The following TMEM59L variants were observed in gnomAD, a reference collection of about 807,000 sequenced individuals.
TMEM59L encodes the protein transmembrane protein 59 like.
TMEM59L carries 31 observed loss-of-function variants against 39.6 expected under a neutral mutation model. That is an observed-to-expected ratio of 0.78 (90% CI 0.59 to 1.06). The LOEUF (loss-of-function observed/expected upper bound fraction) is 1.06. TMEM59L is among the 50% of genes least tolerant of loss of function. The pLI is 0.00. For missense variants in TMEM59L, 441 were observed against 451.3 expected (o/e 0.98, Z 0.21); for synonymous variants, 219 against 202.9 (o/e 1.08, Z -0.68).
chr19:18,612,985 G>A lies in TMEM59L; in HGVS notation c.27G>A (p.Pro9=). Reference sequence around the variant, plus strand: ...TGGCTGCGGTGGCGCTGATGCCACCGCCGCTGCTGCTGCTGCTGCTGTTGG... The same window carrying A: ...TGGCTGCGGTGGCGCTGATGCCACCACCGCTGCTGCTGCTGCTGCTGTTGG... MAAVALMP[P]PLLLLLLLAS... Residue 9 remains proline, a synonymous_variant, in exon 1 of 8, where the codon CCG becomes CCA. Coordinates refer to ENST00000262817, the MANE Select transcript of TMEM59L (RefSeq NM_012109.3). This position sits in a 1 kb window ranked among gnomAD's most constrained non-coding sequence, Gnocchi z 6.2. 7.4e-7 allele frequency: 1 copy of A among 1,352,920 alleles called. No individual in the cohort carries two copies. Among genetic ancestry groups the A allele is most frequent in the Non-Finnish European group, 9.5e-7 (1 of 1,056,146 alleles). 83.8% of individuals were successfully genotyped at this position (1,352,920 alleles called of 1,614,324 possible).
At position 18,620,814 on chromosome 19, in the gene TMEM59L, A is replaced by G. The variant is rs1976489401; in HGVS notation, c.*278A>G. On this transcript the variant is annotated 3_prime_UTR_variant, in exon 8 of 8. Coordinates refer to ENST00000262817, the MANE Select transcript of TMEM59L (RefSeq NM_012109.3). The stretch of plus-strand genomic sequence containing the variant: ...ATTGTGTGGCTTTCTGAGTATTTGA[A>G]CCCCAGTCCTGTGTCACCTTCCTTT... The G allele has an allele frequency of 3.6e-6, 1 of 279,448 alleles. No individual in the cohort carries two copies. The highest frequency in any genetic ancestry group is 5.0e-5 in the Admixed American group (1 of 19,876). The allele number at this position is 279,448 out of a possible 1,614,324, so 17.3% of individuals were successfully genotyped here.
At chr19:18,617,438 T>C (rs1197772209) in intron 5 of TMEM59L, 2 of 485,734 alleles carry the variant, frequency 4.1e-6, no homozygotes, top group African/African-American at 3.9e-5. Context: ...CAGGGTTCCG[T>C]GTTCCGCCTC....
At chr19:18,619,981 A>G (rs2145352359) in intron 7 of TMEM59L, among the ~76,000 whole-genome samples, 1 of 82,056 alleles carries the variant, frequency 1.2e-5, no homozygotes, top group Non-Finnish European at 2.6e-5. Context: ...CATCACACAC[A>G]CACACACACA....
rs1464210883 is a variant in TMEM59L, at chr19:18,620,431, G to A, written c.924G>A (p.Lys308=). 3.1e-6 allele frequency: 5 copies of A among 1,613,228 alleles called. No individual in the cohort carries two copies. Among genetic ancestry groups the A allele is most frequent in the Non-Finnish European group, 4.2e-6 (5 of 1,179,936 alleles). ...KFQPLTLEQH[K]GFMMEPDWPL... is the part of the protein sequence containing the mutation. Reference sequence around the variant, plus strand: ...AGCCTCTGACCCTGGAGCAGCACAAGGGCTTCATGATGGAGCCCGATTGGC... The same window carrying A: ...AGCCTCTGACCCTGGAGCAGCACAAAGGCTTCATGATGGAGCCCGATTGGC... The change falls in exon 8 of 8, where the codon AAG becomes AAA. Residue 308 remains lysine, a synonymous_variant. Coordinates refer to ENST00000262817, the MANE Select transcript of TMEM59L (RefSeq NM_012109.3).
At chr19:18,615,524 C>T (rs1196427916) in intron 3 of TMEM59L, among the ~76,000 whole-genome samples, 1 of 152,232 alleles carries the variant, frequency 6.6e-6, no homozygotes, top group South Asian at 2.1e-4. Context: ...GATCTGTGTT[C>T]ACTATAAGAA....
chr19:18,619,917 G>T (rs987373998), intron 7 of TMEM59L, among the ~76,000 whole-genome samples: 1 of 151,180 alleles, frequency 6.6e-6, no homozygotes, highest in African/African-American at 2.4e-5. Flanking sequence ...GTTCGAAGCT[G>T]CAGTGAGCTG....
intron 7 of TMEM59L, among the ~76,000 whole-genome samples, chr19:18,619,139 G>A (rs1401362474): frequency 3.3e-5 from 5 of 151,920 alleles, no homozygotes; most frequent in African/African-American, 4.8e-5. Flanking sequence ...CCACAGTCAC[G>A]TGCCACCATG....
intron 4 of TMEM59L, among the ~76,000 whole-genome samples, chr19:18,616,365 G>T (rs559098641): frequency 1.7e-4 from 25 of 149,784 alleles, no homozygotes; most frequent in African/African-American, 6.2e-4. Context: ...GAGGCTCTAG[G>T]TTACAAACGC....
At chr19:18,619,195 C>G (rs1976467277) in intron 7 of TMEM59L, among the ~76,000 whole-genome samples, 1 of 152,092 alleles carries the variant, frequency 6.6e-6, no homozygotes, top group Non-Finnish European at 1.5e-5. Context: ...ACTATGTTGC[C>G]CAGGCTGGTC....
chr19:18,617,171 A>C (rs1220968716), intron 5 of TMEM59L, 69 bp downstream of exon 5: 2 of 1,189,484 alleles, frequency 1.7e-6, no homozygotes, highest in South Asian at 2.4e-5. Flanking sequence ...CGGCCTGGCA[A>C]ACAGACCTTC....
chr19:18,618,294 G>A (rs1434003410), intron 6 of TMEM59L, 22 bp downstream of exon 6: 5 of 679,638 alleles, frequency 7.4e-6, no homozygotes, highest in African/African-American at 6.9e-5. Context: ...GACCTTGGGG[G>A]TGGGAGGGGG....
In TMEM59L at chr19:18,620,707, C is replaced by T; in HGVS notation, c.*171C>T. ...CCCACGGAGTCCTGGGGACGCAGTG[C>T]CCCAGCTGGGAAGAGGGCGGGATCG... On this transcript the variant is annotated 3_prime_UTR_variant, in exon 8 of 8. Coordinates refer to ENST00000262817, the MANE Select transcript of TMEM59L (RefSeq NM_012109.3). The T allele has an allele frequency of 2.0e-6, 2 of 1,001,786 alleles. No homozygotes were observed. Among genetic ancestry groups the T allele is most frequent in the Non-Finnish European group, 2.7e-6 (2 of 727,372 alleles). The allele number at this position is 1,001,786 out of a possible 1,614,324, so 62.1% of individuals were successfully genotyped here.
rs945919702 is a variant in TMEM59L at position 18,618,468 on chromosome 19, G to A, written c.876G>A (p.Ala292=). The A allele has an allele frequency of 8.1e-6, 13 of 1,604,298 alleles. No homozygotes were observed. Among genetic ancestry groups the A allele is most frequent in the African/African-American group, 5.4e-5 (4 of 74,752 alleles). Residue 292 remains alanine, a synonymous_variant, in exon 7 of 8, where the codon GCG becomes GCA. Transcript: ENST00000262817. ...LWLSCSTLVT[A]PGQHLKFQPL... ...TGAGCTGCTCCACCCTGGTGACCGC[G>A]CCTGGCCAGCACCTCAAGTTCCAGG... is the stretch of plus-strand genomic sequence containing the variant.
In TMEM59L at chr19:18,614,002, C is replaced by CT; in HGVS notation, c.303dup (p.Glu102Ter). 1.9e-6 allele frequency: 3 copies of CT among 1,613,432 alleles called. No individual in the cohort carries two copies. The highest frequency in any genetic ancestry group is 2.5e-6 in the Non-Finnish European group (3 of 1,180,026). The stretch of plus-strand genomic sequence containing the variant: ...AGCTCCAAGCCCAATGCCACCCAAA[C>CT]TGAGTGTGAAGCAGGTGAGGGCCCG... On this transcript the variant is annotated frameshift_variant, in exon 2 of 8. Coordinates refer to ENST00000262817, the MANE Select transcript of TMEM59L (RefSeq NM_012109.3). LOFTEE classifies it high-confidence loss of function.
chr19:18,613,226 CTT>C (rs1976389582), intron 1 of TMEM59L, 97 bp downstream of exon 1: 5 of 1,092,642 alleles, frequency 4.6e-6, no homozygotes, highest in Non-Finnish European at 5.7e-6. Context: ...CAGCAGGAGA[CTT>C]TGGTGGGGGT....
chr19:18,620,552 A>G lies in TMEM59L; in HGVS notation c.*16A>G, dbSNP rs1412734411. On this transcript the variant is annotated 3_prime_UTR_variant, in exon 8 of 8. Transcript: ENST00000262817. ...CAAGCTGTAGGCCTCCACTGGCCCC[A>G]TCACTGCCAACTGCAGGGGGCCCCT... 1.2e-6 allele frequency: 2 copies of G among 1,611,286 alleles called. No homozygotes were observed. Among genetic ancestry groups the G allele is most frequent in the Non-Finnish European group, 1.7e-6 (2 of 1,178,738 alleles).
chr19:18,616,918 A>C, intron 4 of TMEM59L, 82 bp from the exon 5 acceptor site: 1 of 1,036,320 alleles, frequency 9.6e-7, no homozygotes, highest in Non-Finnish European at 1.4e-6. Context: ...TGGGCGTGGG[A>C]CATGGCAGTC....
Position 18,618,156 on chromosome 19 carries a change from C to T in TMEM59L, c.666C>T (p.Asp222=). The change falls in exon 6 of 8, where the codon GAC becomes GAT. Residue 222 remains aspartate (D), a splice_region_variant and synonymous_variant. Coordinates refer to ENST00000262817, the MANE Select transcript of TMEM59L (RefSeq NM_012109.3). ...GCTGAGTGGCAGCTGATCTCTCAGACCCTGTAGGCCCCCTGGACAAGGTGA... is the reference window on the plus strand; with the variant it reads ...GCTGAGTGGCAGCTGATCTCTCAGATCCTGTAGGCCCCCTGGACAAGGTGA... ...SHPEALEVHV[D]PVGPLDKVRK... is the part of the protein sequence containing the mutation. The T allele has an allele frequency of 6.2e-7, 1 of 1,613,214 alleles. No individual in the cohort carries two copies. Among genetic ancestry groups the T allele is most frequent in the Non-Finnish European group, 8.5e-7 (1 of 1,179,308 alleles).
rs776684468 is a variant in TMEM59L at position 18,617,046 on chromosome 19, A to T, written c.608A>T (p.Gln203Leu). The change falls in exon 5 of 8, where the codon CAG becomes CTG. Residue 203 changes from glutamine to leucine, a missense_variant. Physicochemically the swap from Gln to Leu is moderately radical, Grantham distance 113. Coordinates refer to ENST00000262817, the MANE Select transcript of TMEM59L (RefSeq NM_012109.3). ...ESLGFQGGRLQRVEVTWRGSH... is the reference protein window; with the variant it reads ...ESLGFQGGRLLRVEVTWRGSH... The stretch of plus-strand genomic sequence containing the variant: ...CTCGGCTTCCAGGGGGGCCGTCTGC[A>T]GCGCGTGGAGGTGACCTGGCGAGGC... 6.2e-7 allele frequency: 1 copy of T among 1,613,318 alleles called. No homozygotes were observed. Among genetic ancestry groups the T allele is most frequent in the Non-Finnish European group, 8.5e-7 (1 of 1,179,822 alleles).
Sources: gnomAD v4.1 joint callset for allele counts (sites outside exome capture counted in the v4.1 genomes callset) on GRCh38, gnomAD v4.1.1 for gene constraint, Gnocchi (gnomAD v3.1) non-coding constraint, MANE v1.5 for transcripts, NCBI Gene and HGNC (gene_info 2026-07-23, HGNC 2026-07-21) for gene names.